The following NUDCD2 variants were observed in gnomAD, a reference collection of about 807,000 sequenced individuals.
The protein encoded by NUDCD2 is NudC domain containing 2, also known as nudC domain-containing protein 2.
Under a neutral mutation model 20.8 loss-of-function variants are expected in NUDCD2, and 16 were observed. That is an observed-to-expected ratio of 0.77 (90% confidence interval 0.52 to 1.17). The LOEUF (loss-of-function observed/expected upper bound fraction) is 1.17. NUDCD2 is among the 50% of genes most tolerant of loss of function. The probability of loss-of-function intolerance (pLI) is 0.00; values close to 1 mark genes in which losing one functional copy is unlikely to be tolerated. For synonymous variants in NUDCD2, 87 were observed against 72.8 expected (o/e 1.20, Z -1.00); for missense variants, 199 against 193.9 (o/e 1.03, Z -0.16).
chr5:163,448,713 C>G lies in NUDCD2; in HGVS notation c.*5254G>C, dbSNP rs1428262269. On this transcript the variant is annotated 3_prime_UTR_variant, in exon 4 of 4. Transcript: ENST00000302764. ...AATTGCACAATATCCAAAATGAACA[C>G]AGACATAAAAATCCTCAAAAAATAA... 6.6e-6 allele frequency: 1 copy of G among 152,014 alleles called. No homozygotes were observed. Among genetic ancestry groups the G allele is most frequent in the East Asian group, 1.9e-4 (1 of 5,196 alleles). 9.4% of individuals were successfully genotyped at this position (152,014 alleles called of 1,614,324 possible). A position where few individuals can be genotyped will look rare whatever the true frequency, so the allele number is the denominator to read the frequency against.
chr5:163,450,765 A>T lies in NUDCD2; in HGVS notation c.*3202T>A, dbSNP rs544170263. The T allele has an allele frequency of 6.6e-6, 1 of 152,382 alleles. No individual in the cohort carries two copies. Among genetic ancestry groups the T allele is most frequent in the South Asian group, 2.1e-4 (1 of 4,830 alleles). The allele number at this position is 152,382 out of a possible 1,614,324, so 9.4% of individuals were successfully genotyped here. A position where few individuals can be genotyped will look rare whatever the true frequency, so the allele number is the denominator to read the frequency against. ...TTGGGAAACAATGACAGCTCCTCAA[A>T]TGATTAACATAGTTATCATATAACC... On this transcript the variant is annotated 3_prime_UTR_variant, in exon 4 of 4. Transcript: ENST00000302764.
chr5:163,456,488 A>G (rs1315176918), intron 3 of NUDCD2, among the ~76,000 whole-genome samples: 1 of 152,110 alleles, frequency 6.6e-6, no homozygotes, highest in Non-Finnish European at 1.5e-5. Flanking sequence ...ATAAAAAAGC[A>G]ACAAGAAGAA....
rs1050224780 is a variant in NUDCD2, at chr5:163,448,050, A to G, written c.*5917T>C. 35 of 151,816 alleles carry G rather than the reference A, an allele frequency of 2.3e-4. No individual in the cohort carries two copies. Among genetic ancestry groups the G allele is most frequent in the African/African-American group, 8.2e-4 (34 of 41,316 alleles). 9.4% of individuals were successfully genotyped at this position (151,816 alleles called of 1,614,324 possible). On this transcript the variant is annotated 3_prime_UTR_variant, in exon 4 of 4. Coordinates refer to ENST00000302764, the MANE Select transcript of NUDCD2 (RefSeq NM_145266.6). Reference sequence around the variant, plus strand: ...GTGGCACACCACTATAGTCCCAGCCACTCAGAAGGCTGAGGTAGGAGGATC... The same window carrying G: ...GTGGCACACCACTATAGTCCCAGCCGCTCAGAAGGCTGAGGTAGGAGGATC...
At chr5:163,457,510 G>T (rs935981557) in intron 2 of NUDCD2, 52 bp downstream of exon 2, 2 of 1,052,458 alleles carry the variant, frequency 1.9e-6, no homozygotes, top group Admixed American at 1.9e-5. Context: ...AAGAGGAAAA[G>T]ATATCAAGAC....
chr5:163,459,798 A>C, intron 1 of NUDCD2, 64 bp downstream of exon 1: 1 of 1,434,612 alleles, frequency 7.0e-7, no homozygotes, highest in Admixed American at 2.1e-5. Context: ...ACAGTCGTTC[A>C]GGGAAACGGG....
intron 1 of NUDCD2, chr5:163,459,649 C>G (rs902035184): frequency 2.4e-5 from 10 of 412,012 alleles, no homozygotes; most frequent in Non-Finnish European, 3.4e-5. Flanking sequence ...AGTTTGAAAA[C>G]TAAACACGAA....
chr5:163,457,029 G>A lies in NUDCD2; in HGVS notation c.290C>T (p.Ala97Val). The A allele has an allele frequency of 6.2e-7, 1 of 1,612,792 alleles. No homozygotes were observed. Among genetic ancestry groups the A allele is most frequent in the Non-Finnish European group, 8.5e-7 (1 of 1,179,674 alleles). ...TTCTAGTAGAGAAGTCCAACAATTT[G>A]CTGCATCTCTCTTTGTCTTTGTAAG... ...IVLTKTKRDAANCWTSLLESE... is the reference protein window; with the variant it reads ...IVLTKTKRDAVNCWTSLLESE... Residue 97 changes from alanine to valine, a missense_variant, in exon 3 of 4, where the codon GCA (alanine) becomes GTA (valine). Coordinates refer to ENST00000302764, the MANE Select transcript of NUDCD2 (RefSeq NM_145266.6).
At position 163,460,078 on chromosome 5, in the gene NUDCD2, A is replaced by T; in HGVS notation, c.-28T>A. 6.6e-7 allele frequency: 1 copy of T among 1,521,340 alleles called. No individual in the cohort carries two copies. Among genetic ancestry groups the T allele is most frequent in the South Asian group, 1.3e-5 (1 of 78,614 alleles). 94.2% of individuals were successfully genotyped at this position (1,521,340 alleles called of 1,614,324 possible). A position where few individuals can be genotyped will look rare whatever the true frequency, so the allele number is the denominator to read the frequency against. ...TCCAGTCCCTCCCGGCCGCGGCCGC[A>T]CCAGGCGGAGCCGAGCGCACGCGCG... is the stretch of plus-strand genomic sequence containing the variant. On this transcript the variant is annotated 5_prime_UTR_variant, in exon 1 of 4. Coordinates refer to ENST00000302764, the MANE Select transcript of NUDCD2 (RefSeq NM_145266.6).
chr5:163,453,899 C>T lies in NUDCD2; in HGVS notation c.*68G>A, dbSNP rs985520671. The stretch of plus-strand genomic sequence containing the variant: ...AGGCATCCGCATTTTTCTTCCATTA[C>T]ATAATCTGTTTATCTGATTAAGTTG... On this transcript the variant is annotated 3_prime_UTR_variant, in exon 4 of 4. Transcript: ENST00000302764. 8 of 794,868 alleles carry T rather than the reference C, an allele frequency of 1.0e-5. No homozygotes were observed. The highest frequency in any genetic ancestry group is 2.5e-5 in the South Asian group (1 of 40,424). The allele number at this position is 794,868 out of a possible 1,614,324, so 49.2% of individuals were successfully genotyped here. A position where few individuals can be genotyped will look rare whatever the true frequency, so the allele number is the denominator to read the frequency against.
rs1264786582 is a variant in NUDCD2 at position 163,452,937 on chromosome 5, G to C, written c.*1030C>G. ...GGCATGATTCTGACTGGATCCTCTT[G>C]CTATATGGACATTATTGGGACAATC... On this transcript the variant is annotated 3_prime_UTR_variant, in exon 4 of 4. Coordinates refer to ENST00000302764, the MANE Select transcript of NUDCD2 (RefSeq NM_145266.6). The C allele has an allele frequency of 1.3e-5, 2 of 152,200 alleles. No individual in the cohort carries two copies. The highest frequency in any genetic ancestry group is 4.8e-5 in the African/African-American group (2 of 41,450). 9.4% of individuals were successfully genotyped at this position (152,200 alleles called of 1,614,324 possible). A position where few individuals can be genotyped will look rare whatever the true frequency, so the allele number is the denominator to read the frequency against.
chr5:163,454,109 A>G, intron 3 of NUDCD2, 59 bp from the exon 4 acceptor site: 1 of 851,202 alleles, frequency 1.2e-6, no homozygotes, highest in South Asian at 2.3e-5. Flanking sequence ...ATACAAGTAC[A>G]AACTGGCAAT....
intron 3 of NUDCD2, among the ~76,000 whole-genome samples, chr5:163,456,314 G>A (rs1172096303): frequency 6.6e-6 from 1 of 152,172 alleles, no homozygotes; most frequent in African/African-American, 2.4e-5. Flanking sequence ...TGAAAGCACA[G>A]CTTTCTTTAA....
intron 3 of NUDCD2, among the ~76,000 whole-genome samples, chr5:163,454,448 T>G (rs929103210): frequency 6.6e-6 from 1 of 152,178 alleles, no homozygotes; most frequent in African/African-American, 2.4e-5. Context: ...TTCAAGCGAT[T>G]CTCCTGCCTA....
In NUDCD2 at chr5:163,457,557, CT is replaced by C; in HGVS notation, c.238+4del. 6.5e-7 allele frequency: 1 copy of C among 1,538,800 alleles called. No homozygotes were observed. Among genetic ancestry groups the C allele is most frequent in the South Asian group, 1.1e-5 (1 of 89,028 alleles). On this transcript the variant is annotated splice_donor_region_variant and intron_variant, in intron 2 of 3. Coordinates refer to ENST00000302764, the MANE Select transcript of NUDCD2 (RefSeq NM_145266.6). ...AATTTGATGAATTATAGTAATTACC[CT>C]TACCCAAAGTCCATGTTCCCTCATC...
At chr5:163,457,188 GC>G in intron 2 of NUDCD2, 108 bp from the exon 3 acceptor site, 2 of 1,192,108 alleles carry the variant, frequency 1.7e-6, no homozygotes, top group Non-Finnish European at 2.3e-6. Flanking sequence ...CTGGAGTGCA[GC>G]GGCTTGATCT....
rs1166754665 is a variant in NUDCD2, at chr5:163,457,547, AG to A, written c.238+14del. ...AAATTATTTTAATTTGATGAATTAT[AG>A]TAATTACCCTTACCCAAAGTCCATG... On this transcript the variant is annotated intron_variant, in intron 2 of 3. Coordinates refer to ENST00000302764, the MANE Select transcript of NUDCD2 (RefSeq NM_145266.6). 4.2e-6 allele frequency: 6 copies of A among 1,422,272 alleles called. No individual in the cohort carries two copies. In the Admixed American group the frequency reaches 1.0e-4, roughly 25 times the overall value. 88.1% of individuals were successfully genotyped at this position (1,422,272 alleles called of 1,614,324 possible). A position where few individuals can be genotyped will look rare whatever the true frequency, so the allele number is the denominator to read the frequency against.
rs1758083401 is a variant in NUDCD2 at position 163,448,062 on chromosome 5, G to A, written c.*5905C>T. 6.6e-6 allele frequency: 1 copy of A among 152,010 alleles called. No individual in the cohort carries two copies. Among genetic ancestry groups the A allele is most frequent in the Non-Finnish European group, 1.5e-5 (1 of 68,030 alleles). 9.4% of individuals were successfully genotyped at this position (152,010 alleles called of 1,614,324 possible). A position where few individuals can be genotyped will look rare whatever the true frequency, so the allele number is the denominator to read the frequency against. ...TATAGTCCCAGCCACTCAGAAGGCT[G>A]AGGTAGGAGGATCATGACCCCACGA... On this transcript the variant is annotated 3_prime_UTR_variant, in exon 4 of 4. Transcript: ENST00000302764.
At position 163,450,115 on chromosome 5, in the gene NUDCD2, G is replaced by A. The variant is rs888705844; in HGVS notation, c.*3852C>T. 1.3e-5 allele frequency: 2 copies of A among 152,132 alleles called. No homozygotes were observed. Among genetic ancestry groups the A allele is most frequent in the African/African-American group, 4.8e-5 (2 of 41,376 alleles). 9.4% of individuals were successfully genotyped at this position (152,132 alleles called of 1,614,324 possible). The stretch of plus-strand genomic sequence containing the variant: ...AAAATAAAAAATAAAAAAAAAATGG[G>A]CTGGGAGTGGTGGTGCACACCTGTA... On this transcript the variant is annotated 3_prime_UTR_variant, in exon 4 of 4. Transcript: ENST00000302764.
In NUDCD2 at chr5:163,446,802, GC is replaced by G. The variant is rs1432045186; in HGVS notation, c.*7164del. On this transcript the variant is annotated 3_prime_UTR_variant, in exon 4 of 4. Coordinates refer to ENST00000302764, the MANE Select transcript of NUDCD2 (RefSeq NM_145266.6). Reference sequence around the variant, plus strand: ...GGCCAAGGTGGACGGATCACTTGAGGCCAGGAGTTCGAGACCAGCATGGCCA... The same window carrying G: ...GGCCAAGGTGGACGGATCACTTGAGGCAGGAGTTCGAGACCAGCATGGCCA... 6.6e-6 allele frequency: 1 copy of G among 152,230 alleles called. No individual in the cohort carries two copies. The highest frequency in any genetic ancestry group is 1.5e-5 in the Non-Finnish European group (1 of 68,090). The allele number at this position is 152,230 out of a possible 1,614,324, so 9.4% of individuals were successfully genotyped here. A position where few individuals can be genotyped will look rare whatever the true frequency, so the allele number is the denominator to read the frequency against.
Sources: allele counts gnomAD v4.1 joint callset (sites outside exome capture counted in the v4.1 genomes callset), GRCh38; gene constraint gnomAD v4.1.1; transcripts MANE v1.5; gene names NCBI Gene and HGNC (gene_info 2026-07-23, HGNC 2026-07-21).